SUGCT: variants seen among roughly 807,000 people sequenced by gnomAD.
SUGCT encodes succinyl-CoA:glutarate CoA-transferase.
Under a neutral mutation model 55.0 loss-of-function variants are expected in SUGCT, and 41 were observed. That is an observed-to-expected ratio of 0.74 (90% confidence interval 0.58 to 0.97). The LOEUF (loss-of-function observed/expected upper bound fraction) is 0.97. SUGCT is among the 50% of genes least tolerant of loss of function. SUGCT has a pLI of 0.00. For synonymous variants in SUGCT, 187 were observed against 200.4 expected, an observed-to-expected ratio of 0.93 and a Z score of 0.56; for missense variants, 568 against 547.8, an observed-to-expected ratio of 1.04 and a Z score of -0.37.
chr7:40,219,656 C>T (rs998591885), intron 6 of SUGCT, among the ~76,000 whole-genome samples: 4 of 151,738 alleles, frequency 2.6e-5, no homozygotes, highest in Admixed American at 1.3e-4. Flanking sequence ...ATGCCAATCA[C>T]GGGGGTAGGG....
chr7:40,219,226 C>G (rs1787883620), intron 6 of SUGCT, among the ~76,000 whole-genome samples: 1 of 152,092 alleles, frequency 6.6e-6, no homozygotes, highest in African/African-American at 2.4e-5. Flanking sequence ...CAGACATGTC[C>G]GAATATCAGA....
At chr7:40,727,225 A>G (rs1398767926) in intron 12 of SUGCT, among the ~76,000 whole-genome samples, 1 of 152,198 alleles carries the variant, frequency 6.6e-6, no homozygotes. Flanking sequence ...TTTGTTTAGC[A>G]GGAAATCTAT....
In SUGCT at chr7:40,272,660, TA is replaced by T. The variant is rs201336263; in HGVS notation, c.577-1852del. On this transcript the variant is annotated intron_variant, in intron 7 of 13. Transcript: ENST00000335693. ...CATATGGTATTATTATTATTATTAT[TA>T]TTATTTTTTTTTTTTTGAGATGGAG... Among the ~76,000 whole-genome samples the T allele has an allele frequency of 2.4e-3, 343 of 142,948 alleles. 3 individuals are homozygous for T. Among genetic ancestry groups the T allele is most frequent in the African/African-American group, 5.9e-3 (228 of 38,970 alleles). 93.8% of individuals were successfully genotyped at this position (142,948 alleles called of 152,430 possible).
chr7:40,197,007 G>A (rs1786329548), intron 6 of SUGCT, among the ~76,000 whole-genome samples: 1 of 152,008 alleles, frequency 6.6e-6, no homozygotes, highest in African/African-American at 2.4e-5. Flanking sequence ...GCTAATTTTT[G>A]TATTTTTAGT....
At chr7:40,933,812 T>TAG in the SUGCT span, among the ~76,000 whole-genome samples, 1 of 152,282 alleles carries the variant, frequency 6.6e-6, no homozygotes, top group Admixed American at 6.5e-5. Context: ...CTCTACACTG[T>TAG]TTATTGTAGT....
chr7:40,411,551 G>A (rs1047302742), intron 9 of SUGCT, among the ~76,000 whole-genome samples: 10 of 152,192 alleles, frequency 6.6e-5, no homozygotes, highest in African/African-American at 9.7e-5. Flanking sequence ...TCATTGACAT[G>A]CGGAAGTTAA....
chr7:40,956,928 T>C, the SUGCT span, among the ~76,000 whole-genome samples: 2 of 152,090 alleles, frequency 1.3e-5, no homozygotes, highest in Non-Finnish European at 2.9e-5. Context: ...TTGTGTGGTT[T>C]CGAGTGAGTT....
In SUGCT at chr7:40,819,798, G is replaced by A. The variant is rs1044705016; in HGVS notation, c.1154-40518G>A. Among the ~76,000 whole-genome samples, 91 of 152,120 alleles carry A rather than the reference G, an allele frequency of 6.0e-4. 1 individual carries two copies. Among genetic ancestry groups the A allele is most frequent in the Non-Finnish European group, 1.1e-3 (76 of 67,972 alleles). On this transcript the variant is annotated intron_variant, in intron 13 of 13. Coordinates refer to ENST00000335693, the MANE Select transcript of SUGCT (RefSeq NM_001193313.2). The stretch of plus-strand genomic sequence containing the variant: ...TTTGTCAATTTTGGCTTTTGTTGCT[G>A]TTGCTTTTGGTGTTTTAGTCATGAA...
intron 7 of SUGCT, among the ~76,000 whole-genome samples, chr7:40,265,959 CCA>C (rs56844215): frequency 2.7e-5 from 4 of 149,892 alleles, no homozygotes; most frequent in Admixed American, 6.7e-5. Context: ...TCAAAAAAAA[CCA>C]CACACACACA....
chr7:40,224,402 G>A (rs907415781), intron 6 of SUGCT, among the ~76,000 whole-genome samples: 1 of 39,212 alleles, frequency 2.6e-5, no homozygotes, highest in African/African-American at 9.4e-5. Context: ...ATCTGTGCGT[G>A]TGTGTGTGTG....
At chr7:40,629,689 G>A (rs1019458038) in intron 12 of SUGCT, among the ~76,000 whole-genome samples, 5 of 152,186 alleles carry the variant, frequency 3.3e-5, no homozygotes, top group Non-Finnish European at 7.3e-5. Context: ...TTAGTGATGA[G>A]AGTTAATGAC....
chr7:40,268,926 T>C (rs1222310723), intron 7 of SUGCT, among the ~76,000 whole-genome samples: 1 of 152,188 alleles, frequency 6.6e-6, no homozygotes, highest in African/African-American at 2.4e-5. Context: ...CATGAGCCAA[T>C]GTGCCCAGCC....
intron 12 of SUGCT, among the ~76,000 whole-genome samples, chr7:40,598,274 G>A (rs557425435): frequency 1.3e-5 from 2 of 152,294 alleles, no homozygotes; most frequent in South Asian, 2.1e-4. Flanking sequence ...TCTGGACCAT[G>A]GTGGGCCCCT....
intron 1 of SUGCT, among the ~76,000 whole-genome samples, chr7:40,170,912 G>T (rs1332218576): frequency 6.6e-6 from 1 of 152,142 alleles, no homozygotes; most frequent in African/African-American, 2.4e-5. Flanking sequence ...CTGGATTCTA[G>T]TGGTCCTTTA....
chr7:40,702,868 A>C (rs1474600849), intron 12 of SUGCT, among the ~76,000 whole-genome samples: 1 of 152,188 alleles, frequency 6.6e-6, no homozygotes, highest in African/African-American at 2.4e-5. Context: ...TTTATAGCCC[A>C]AAACTACGTA....
intron 7 of SUGCT, among the ~76,000 whole-genome samples, chr7:40,257,169 C>T (rs1031908704): frequency 2.6e-5 from 4 of 152,050 alleles, no homozygotes; most frequent in Non-Finnish European, 4.4e-5. Flanking sequence ...CTCAGCCTCC[C>T]GAGTAGCTGA....
At chr7:40,143,597 G>A (rs1335906609) in intron 1 of SUGCT, among the ~76,000 whole-genome samples, 1 of 152,230 alleles carries the variant, frequency 6.6e-6, no homozygotes, top group Non-Finnish European at 1.5e-5. Context: ...CGTGCAGACG[G>A]AATATTTGAT....
intron 9 of SUGCT, among the ~76,000 whole-genome samples, chr7:40,396,297 T>A (rs1399738578): frequency 2.0e-5 from 3 of 152,160 alleles, no homozygotes. Flanking sequence ...ATGCAGATAA[T>A]GTTTTTATAC....
chr7:40,341,496 G>T (rs1247357418), intron 9 of SUGCT, among the ~76,000 whole-genome samples: 2 of 152,138 alleles, frequency 1.3e-5, no homozygotes, highest in Admixed American at 6.5e-5. Flanking sequence ...ATTTCTGCTG[G>T]GCCTCTTTAT....
Sources: allele counts gnomAD v4.1 joint callset (sites outside exome capture counted in the v4.1 genomes callset), GRCh38; gene constraint gnomAD v4.1.1; transcripts MANE v1.5; gene names NCBI Gene and HGNC (gene_info 2026-07-23, HGNC 2026-07-21).